Variants in CUBN observed in about 807,000 individuals in gnomAD.
The protein encoded by CUBN is cubilin.
CUBN carries 282 observed loss-of-function variants against 405.3 expected under a neutral mutation model. The observed-to-expected ratio is 0.70, with a 90% CI of 0.63 to 0.77. The LOEUF (loss-of-function observed/expected upper bound fraction) is 0.77. Among genes scored for constraint, CUBN ranks in the 30% least tolerant of loss-of-function variants. CUBN has a pLI of 0.00. For missense variants in CUBN, 4,514 were observed against 4,475.2 expected (o/e 1.01, Z -0.25); for synonymous variants, 1,684 against 1,617.0 (o/e 1.04, Z -0.99).
intron 48 of CUBN, among the ~76,000 whole-genome samples, chr10:16,908,065 T>A (rs780803): frequency 0.61 from 93,151 of 152,110 alleles, 28,818 homozygotes; most frequent in East Asian, 0.8. Context: ...ATTTGTTACT[T>A]GGAAGGGAAG....
In CUBN at chr10:17,041,057, T is replaced by A; in HGVS notation, c.3993A>T (p.Ile1331=). ...CCTCTAAATAATCTGTGGAGCAGTT[T>A]ATGTGATGTTCCAAGTCAAATGCTA... ...TFLAFDLEHH[I]NCSTDYLELY... The change falls in exon 27 of 67, where the codon ATA becomes ATT. Residue 1331 remains isoleucine (I), a synonymous_variant. Coordinates refer to ENST00000377833, the MANE Select transcript of CUBN (RefSeq NM_001081.4). 6.2e-7 allele frequency: 1 copy of A among 1,613,824 alleles called. No individual in the cohort carries two copies. Among genetic ancestry groups the A allele is most frequent in the Non-Finnish European group, 8.5e-7 (1 of 1,179,742 alleles).
In CUBN at chr10:17,045,160, G is replaced by A. The variant is rs369192214; in HGVS notation, c.3519C>T (p.Ser1173=). 23 of 1,613,702 alleles carry A rather than the reference G, an allele frequency of 1.4e-5. No homozygotes were observed. The highest frequency in any genetic ancestry group is 1.9e-5 in the Non-Finnish European group (22 of 1,179,884). ...TGCGGNLTTS[S]GTFISPNYPM... is the part of the protein sequence containing the mutation. ...GGTAGTTGGGAGATATGAACGTGCC[G>A]CTTGAAGTGGTGAGATTACCCCCGC... The change falls in exon 25 of 67, where the codon AGC becomes AGT. Residue 1173 remains serine (S), a synonymous_variant. Coordinates refer to ENST00000377833, the MANE Select transcript of CUBN (RefSeq NM_001081.4).
At chr10:16,892,150 T>C (rs572654809) in intron 54 of CUBN, among the ~76,000 whole-genome samples, 1 of 152,356 alleles carries the variant, frequency 6.6e-6, no homozygotes, top group South Asian at 2.1e-4. Context: ...ATTGGTTTAA[T>C]AATTCTCAGC....
chr10:16,872,751 C>T (rs1222405176), intron 58 of CUBN, among the ~76,000 whole-genome samples: 1 of 152,180 alleles, frequency 6.6e-6, no homozygotes, highest in African/African-American at 2.4e-5. Context: ...ATATGAGAAA[C>T]AAATAGTGAG....
chr10:17,122,365 T>C (rs1035446078), intron 6 of CUBN: 1 of 293,718 alleles, frequency 3.4e-6, no homozygotes, highest in Non-Finnish European at 6.8e-6. Flanking sequence ...AAAGCTCTCT[T>C]TACCCAAAAC....
intron 22 of CUBN, among the ~76,000 whole-genome samples, chr10:17,056,159 A>G (rs1034195253): frequency 6.6e-6 from 1 of 152,226 alleles, no homozygotes; most frequent in Non-Finnish European, 1.5e-5. Flanking sequence ...TGCAAAAGCA[A>G]TTCAGTGGGA....
chr10:17,005,132 T>C (rs867869863), intron 28 of CUBN, among the ~76,000 whole-genome samples: 11 of 152,146 alleles, frequency 7.2e-5, no homozygotes, highest in East Asian at 3.9e-4. Flanking sequence ...TAAAAATCCA[T>C]TGGTGGTCTT....
At position 16,915,043 on chromosome 10, in the gene CUBN, G is replaced by T; in HGVS notation, c.7340C>A (p.Ser2447Tyr). 1 of 1,613,838 alleles carries T rather than the reference G, an allele frequency of 6.2e-7. No individual in the cohort carries two copies. The highest frequency in any genetic ancestry group is 2.2e-5 in the East Asian group (1 of 44,872). The stretch of plus-strand genomic sequence containing the variant: ...ATCAATGAACTCACCTTCCATACTG[G>T]ATTCAAATCGCAGTCTGAATCCTGA... Reference protein sequence around the residue: ...TASGFRLRFESSMEECGGDLQ... With the variant: ...TASGFRLRFEYSMEECGGDLQ... Residue 2447 changes from serine (S) to tyrosine (Y), a missense_variant, in exon 47 of 67, where the codon TCC becomes TAC. Ser to Tyr is a moderately radical substitution (Grantham distance 144). Transcript: ENST00000377833.
intron 22 of CUBN, among the ~76,000 whole-genome samples, chr10:17,060,905 C>G (rs1166000263): frequency 6.6e-6 from 1 of 151,904 alleles, no homozygotes; most frequent in African/African-American, 2.4e-5. Flanking sequence ...ACAAAATTAG[C>G]CAGGCATGGT....
intron 59 of CUBN, among the ~76,000 whole-genome samples, chr10:16,856,578 GGATAA>G (rs1839875429): frequency 6.6e-6 from 1 of 152,122 alleles, no homozygotes; most frequent in Non-Finnish European, 1.5e-5. Context: ...ACATTCTCTT[GGATAA>G]AACATCTCGA....
intron 54 of CUBN, among the ~76,000 whole-genome samples, chr10:16,892,026 A>C (rs866958066): frequency 6.6e-6 from 1 of 152,144 alleles, no homozygotes. Context: ...TTCCAAACAC[A>C]TCTCTTCTCA....
intron 31 of CUBN, among the ~76,000 whole-genome samples, chr10:16,963,196 C>CTTTTTTTTTTTTTTTTT (rs200023246): frequency 2.4e-5 from 2 of 83,976 alleles, no homozygotes; most frequent in African/African-American, 8.2e-5. Flanking sequence ...TCTTTTTTTT[C>CTTTTTTTTTTTTTTTTT]TTTTTTTTTT....
intron 49 of CUBN, among the ~76,000 whole-genome samples, chr10:16,906,742 G>T (rs1451094506): frequency 1.3e-5 from 2 of 152,038 alleles, no homozygotes; most frequent in Non-Finnish European, 2.9e-5. Context: ...AATGGTGGCA[G>T]GTCCTAATGG....
At chr10:17,046,257 T>A (rs978852534) in intron 23 of CUBN, among the ~76,000 whole-genome samples, 163 bp from the exon 24 acceptor site, 5 of 152,174 alleles carry the variant, frequency 3.3e-5, no homozygotes, top group Non-Finnish European at 7.3e-5. Flanking sequence ...TTTTCACTTT[T>A]AAATTTTTAA....
At chr10:17,096,556 T>A (rs1250905207) in intron 14 of CUBN, among the ~76,000 whole-genome samples, 1 of 152,076 alleles carries the variant, frequency 6.6e-6, no homozygotes, top group African/African-American at 2.4e-5. Flanking sequence ...AATCATAGTT[T>A]GAGATTTTAC....
intron 6 of CUBN, 66 bp from the exon 7 acceptor site, chr10:17,115,663 T>C (rs1836877057): frequency 4.5e-6 from 7 of 1,551,390 alleles, no homozygotes; most frequent in Admixed American, 1.7e-5. Flanking sequence ...TCTCTTAATA[T>C]CAATGAGAAA....
At chr10:16,864,268 G>A (rs1447050142) in intron 59 of CUBN, among the ~76,000 whole-genome samples, 1 of 152,136 alleles carries the variant, frequency 6.6e-6, no homozygotes, top group East Asian at 1.9e-4. Flanking sequence ...TTGACGGTTA[G>A]GTGTCACTGC....
intron 62 of CUBN, among the ~76,000 whole-genome samples, chr10:16,838,281 A>G (rs1839234477): frequency 1.1e-4 from 16 of 152,116 alleles, no homozygotes; most frequent in Admixed American, 1.0e-3. Context: ...CAGATTTATA[A>G]TGAAGGGGAC....
At chr10:16,830,275 G>A (rs1781281900) in intron 65 of CUBN, among the ~76,000 whole-genome samples, 1 of 152,078 alleles carries the variant, frequency 6.6e-6, no homozygotes, top group Non-Finnish European at 1.5e-5. Context: ...GAGCATTGGA[G>A]GTCACCTTTA....
Sources: gnomAD v4.1 joint callset for allele counts (sites outside exome capture counted in the v4.1 genomes callset) on GRCh38, gnomAD v4.1.1 for gene constraint, MANE v1.5 for transcripts, NCBI Gene and HGNC (gene_info 2026-07-23, HGNC 2026-07-21) for gene names.